The following ATP13A4 variants were observed in gnomAD, a reference collection of about 807,000 sequenced individuals.
ATP13A4 encodes the protein probable cation-transporting ATPase 13A4.
In ATP13A4, 114 loss-of-function variants were observed where a neutral mutation model predicts 142.5. The observed-to-expected ratio is 0.80, with a 90% confidence interval of 0.69 to 0.93. The LOEUF (loss-of-function observed/expected upper bound fraction) is 0.93, where lower values mean the gene tolerates loss of function less well. Ranked by LOEUF, ATP13A4 falls within the 40% of genes least tolerant of loss-of-function variation. ATP13A4 has a pLI of 0.00. For missense variants in ATP13A4, 1,392 were observed against 1,454.0 expected, an observed-to-expected ratio of 0.96 and a Z score of 0.69; for synonymous variants, 488 against 514.8, an observed-to-expected ratio of 0.95 and a Z score of 0.70.
chr3:193,466,939 A>C (rs1356372046), intron 10 of ATP13A4, among the ~76,000 whole-genome samples: 1 of 150,566 alleles, frequency 6.6e-6, no homozygotes, highest in Admixed American at 6.6e-5. Flanking sequence ...CTATGGGTCC[A>C]AAAAAAAATG....
chr3:193,569,176 T>A (rs1305047079), intron 2 of ATP13A4, among the ~76,000 whole-genome samples: 1 of 152,212 alleles, frequency 6.6e-6, no homozygotes, highest in Non-Finnish European at 1.5e-5. Context: ...TAATATAATG[T>A]GATAGGAATG....
At chr3:193,577,917 C>T (rs1379653047) in intron 2 of ATP13A4, among the ~76,000 whole-genome samples, 1 of 152,232 alleles carries the variant, frequency 6.6e-6, no homozygotes, top group Admixed American at 6.5e-5. Flanking sequence ...ACTTCAATCT[C>T]TTTCATTCTC....
At chr3:193,534,788 G>A (rs1431761666) in intron 1 of ATP13A4, among the ~76,000 whole-genome samples, 1 of 151,764 alleles carries the variant, frequency 6.6e-6, no homozygotes, top group Non-Finnish European at 1.5e-5. Flanking sequence ...AGAGGGGAGA[G>A]GGGAAATGAC....
At chr3:193,579,907 TAAC>T (rs1050959500) in intron 2 of ATP13A4, among the ~76,000 whole-genome samples, 13 of 152,206 alleles carry the variant, frequency 8.5e-5, no homozygotes, top group African/African-American at 3.1e-4. Flanking sequence ...GCAAATATCA[TAAC>T]ATCATGGTAA....
At position 193,466,121 on chromosome 3, in the gene ATP13A4, A is replaced by G. The variant is rs1199297742; in HGVS notation, c.1176T>C (p.Phe392=). The G allele has an allele frequency of 1.9e-6, 3 of 1,614,024 alleles. No individual in the cohort carries two copies. The highest frequency in any genetic ancestry group is 2.5e-6 in the Non-Finnish European group (3 of 1,180,006). The part of the protein sequence containing the change: ...RSILYPKPVN[F]QLYRDAIRFL... Reference sequence around the variant, plus strand: ...ACCTGATGGCATCCCTGTACAACTGAAAATTCACTGGCTTAGGGTAGAGAA... The same window carrying G: ...ACCTGATGGCATCCCTGTACAACTGGAAATTCACTGGCTTAGGGTAGAGAA... Residue 392 remains phenylalanine (F), a synonymous_variant, in exon 11 of 30, where the codon TTT becomes TTC. Coordinates refer to ENST00000342695, the MANE Select transcript of ATP13A4 (RefSeq NM_032279.4).
intron 24 of ATP13A4, among the ~76,000 whole-genome samples, chr3:193,435,442 C>T (rs1716210331): frequency 6.6e-6 from 1 of 152,136 alleles, no homozygotes; most frequent in Non-Finnish European, 1.5e-5. Flanking sequence ...AAGGTTTCTA[C>T]ATCAGAGAAT....
intron 8 of ATP13A4, among the ~76,000 whole-genome samples, chr3:193,483,264 T>G (rs56035331): frequency 0.49 from 74,964 of 151,492 alleles, 18,766 homozygotes; most frequent in African/African-American, 0.6. Flanking sequence ...GATGGGGGAG[T>G]TGGGAGGAAG....
chr3:193,532,057 G>A (rs1371746644), intron 1 of ATP13A4, among the ~76,000 whole-genome samples: 1 of 151,924 alleles, frequency 6.6e-6, no homozygotes, highest in African/African-American at 2.4e-5. Flanking sequence ...GAATCACATG[G>A]GCACTTTTTA....
intron 12 of ATP13A4, 139 bp downstream of exon 12, chr3:193,464,801 A>G (rs141534410): frequency 1.1e-6 from 1 of 909,830 alleles, no homozygotes; most frequent in East Asian, 2.4e-5. Flanking sequence ...TCTTTCCCAG[A>G]TCATGCATCT....
chr3:193,516,192 C>A (rs1006059649), intron 1 of ATP13A4, among the ~76,000 whole-genome samples: 5 of 152,178 alleles, frequency 3.3e-5, no homozygotes, highest in African/African-American at 9.7e-5. Flanking sequence ...AACTTTAAAT[C>A]TATCAACTTC....
intron 25 of ATP13A4, among the ~76,000 whole-genome samples, chr3:193,418,287 C>G (rs1233851846): frequency 1.4e-5 from 2 of 146,602 alleles, no homozygotes; most frequent in Non-Finnish European, 3.0e-5. Context: ...CCACTGCACT[C>G]CAGCCTGGGC....
chr3:193,533,730 C>A (rs1350268046), intron 1 of ATP13A4, among the ~76,000 whole-genome samples: 1 of 152,206 alleles, frequency 6.6e-6, no homozygotes, highest in East Asian at 1.9e-4. Flanking sequence ...CCAGCAACGA[C>A]CAAATGGGGA....
In ATP13A4 at chr3:193,467,341, G is replaced by A. The variant is rs148851166; in HGVS notation, c.1089C>T (p.Thr363=). Residue 363 remains threonine, a synonymous_variant, in exon 10 of 30, where the codon ACC becomes ACT. Coordinates refer to ENST00000342695, the MANE Select transcript of ATP13A4 (RefSeq NM_032279.4). ...VIQAKAACSG[T]VRAVVLQTGF... ...CAGTCTGCAGTACCACGGCTCTCAC[G>A]GTCCCAGAGCAAGCTGCCTTGGCCT... 540 of 1,614,122 alleles carry A rather than the reference G, an allele frequency of 3.3e-4. 1 individual carries two copies. The African/African-American group carries it at 5.9e-3, about 18-fold the overall frequency.
intron 3 of ATP13A4, among the ~76,000 whole-genome samples, chr3:193,495,471 A>G (rs1238544335): frequency 1.3e-5 from 2 of 152,172 alleles, no homozygotes; most frequent in East Asian, 3.8e-4. Context: ...ACATTAACAG[A>G]ATGACACACA....
chr3:193,422,518 C>T (rs1440870613), intron 25 of ATP13A4, among the ~76,000 whole-genome samples: 1 of 149,668 alleles, frequency 6.7e-6, no homozygotes, highest in African/African-American at 2.4e-5. Flanking sequence ...AATCAATTAT[C>T]ATATCAAGTA....
At chr3:193,474,740 GAAA>G (rs1433541348) in intron 8 of ATP13A4, among the ~76,000 whole-genome samples, 6 of 149,854 alleles carry the variant, frequency 4.0e-5, no homozygotes, top group Non-Finnish European at 8.9e-5. Flanking sequence ...GAGAAAGAAA[GAAA>G]GAAAGGAAAA....
At chr3:193,585,745 C>T (rs916882819) in intron 1 of ATP13A4, among the ~76,000 whole-genome samples, 1 of 152,050 alleles carries the variant, frequency 6.6e-6, no homozygotes, top group African/African-American at 2.4e-5. Flanking sequence ...CACTGCTGCA[C>T]GTTTCATTTG....
chr3:193,577,066 A>G (rs1217222860), intron 2 of ATP13A4, among the ~76,000 whole-genome samples: 4 of 152,222 alleles, frequency 2.6e-5, no homozygotes, highest in African/African-American at 9.6e-5. Flanking sequence ...ATCCAAGTCA[A>G]AATACACTTG....
At chr3:193,509,479 C>G (rs189022740) in intron 2 of ATP13A4, among the ~76,000 whole-genome samples, 3 of 152,238 alleles carry the variant, frequency 2.0e-5, no homozygotes, top group African/African-American at 7.2e-5. Flanking sequence ...GGAAGGAAAG[C>G]CTGGCTTTGA....
Sources: gnomAD v4.1 joint callset for allele counts (sites outside exome capture counted in the v4.1 genomes callset) on GRCh38, gnomAD v4.1.1 for gene constraint, MANE v1.5 for transcripts, NCBI Gene and HGNC (gene_info 2026-07-23, HGNC 2026-07-21) for gene names.